KCNK1: variants seen among roughly 807,000 people sequenced by gnomAD.
KCNK1 encodes potassium two pore domain channel subfamily K member 1.
In KCNK1, 10 loss-of-function variants were observed where a neutral mutation model predicts 22.2. That is an observed-to-expected ratio of 0.45 (90% CI 0.28 to 0.76). The LOEUF is 0.76. Among genes scored for constraint, KCNK1 ranks in the 30% least tolerant of loss-of-function variants. The probability of loss-of-function intolerance (pLI) is 0.14; values close to 1 mark genes in which losing one functional copy is unlikely to be tolerated. For missense variants in KCNK1, 378 were observed against 421.0 expected (o/e 0.90, Z 0.89); for synonymous variants, 200 against 186.4 (o/e 1.07, Z -0.60).
At chr1:233,636,545 A>G (rs61824273) in intron 1 of KCNK1, 33,830 of 152,318 alleles carry the variant, frequency 0.22, 4,147 homozygotes, top group Middle Eastern at 0.29. Context: ...GCTAAACCCC[A>G]GTAGAGCCAA....
intron 1 of KCNK1, among the ~76,000 whole-genome samples, chr1:233,625,964 C>T (rs1657681922): frequency 6.6e-6 from 1 of 152,064 alleles, no homozygotes; most frequent in South Asian, 2.1e-4. Context: ...AAACATCTGG[C>T]TTTTATCTGA....
At chr1:233,643,375 C>T (rs1213834506) in intron 1 of KCNK1, among the ~76,000 whole-genome samples, 1 of 152,166 alleles carries the variant, frequency 6.6e-6, no homozygotes, top group African/African-American at 2.4e-5. Flanking sequence ...GGTCCACTCA[C>T]TACACTCTAA....
chr1:233,641,257 A>G (rs1657995236), intron 1 of KCNK1, among the ~76,000 whole-genome samples: 1 of 152,158 alleles, frequency 6.6e-6, no homozygotes, highest in Admixed American at 6.5e-5. Flanking sequence ...CAGCCAGAGC[A>G]CACCACCTTC....
intron 1 of KCNK1, among the ~76,000 whole-genome samples, chr1:233,660,889 A>T (rs1445239760): frequency 6.6e-6 from 1 of 152,186 alleles, no homozygotes; most frequent in Non-Finnish European, 1.5e-5. Context: ...CCTTTGTATC[A>T]TATAATATAT....
intron 1 of KCNK1, among the ~76,000 whole-genome samples, chr1:233,628,224 T>C (rs1657723449): frequency 6.6e-6 from 1 of 152,176 alleles, no homozygotes; most frequent in Non-Finnish European, 1.5e-5. Context: ...TCATCGGTGA[T>C]ATCAGGCTGA....
chr1:233,618,790 G>A (rs562432578), intron 1 of KCNK1, among the ~76,000 whole-genome samples: 31 of 152,096 alleles, frequency 2.0e-4, no homozygotes, highest in Admixed American at 6.5e-4. Flanking sequence ...AGGCTGAGGT[G>A]GGAGAATGGC....
intron 1 of KCNK1, among the ~76,000 whole-genome samples, chr1:233,615,787 T>A (rs1657480289): frequency 6.6e-6 from 1 of 151,890 alleles, no homozygotes; most frequent in Non-Finnish European, 1.5e-5. Context: ...CTATATCTTG[T>A]TGACTATCTT....
At chr1:233,668,983 C>T (rs764549957) in intron 2 of KCNK1, among the ~76,000 whole-genome samples, 6 of 152,190 alleles carry the variant, frequency 3.9e-5, no homozygotes, top group South Asian at 4.1e-4. Context: ...AAAGTGAATA[C>T]GCCTTTTTGT....
At chr1:233,647,200 CTTTGTT>C (rs1272994490) in intron 1 of KCNK1, among the ~76,000 whole-genome samples, 1 of 152,116 alleles carries the variant, frequency 6.6e-6, no homozygotes, top group African/African-American at 2.4e-5. Flanking sequence ...TTTCTTTTGA[CTTTGTT>C]CCAGATGAAA....
rs1658408403 is a variant in KCNK1 at position 233,662,256 on chromosome 1, TC to T, written c.356-4338del. ...TTCTTCTCCTTCTTCTTCTTCTTCT[TC>T]TTCTTCTTCTTCTTCTCCTCCTCCT... On this transcript the variant is annotated intron_variant, in intron 1 of 2. Coordinates refer to ENST00000366621, the MANE Select transcript of KCNK1 (RefSeq NM_002245.4). 9.6e-5 allele frequency among the ~76,000 whole-genome samples: 13 copies of T among 135,116 alleles called. No individual in the cohort carries two copies. In the South Asian group the frequency reaches 3.5e-3, roughly 37 times the overall value. 88.6% of individuals were successfully genotyped at this position (135,116 alleles called of 152,430 possible).
chr1:233,617,586 T>C (rs566572592), intron 1 of KCNK1, among the ~76,000 whole-genome samples: 4 of 152,150 alleles, frequency 2.6e-5, no homozygotes, highest in Non-Finnish European at 5.9e-5. Flanking sequence ...TTTAGGACAG[T>C]TGTGTAGACG....
chr1:233,650,571 G>A (rs1361624138), intron 1 of KCNK1, among the ~76,000 whole-genome samples: 1 of 152,066 alleles, frequency 6.6e-6, no homozygotes, highest in African/African-American at 2.4e-5. Context: ...TAACTTCATG[G>A]TACTTCCTAT....
rs111804649 is a variant in KCNK1, at chr1:233,631,287, G to T, written c.355+16761G>T. The T allele has an allele frequency of 5.5e-3, 2,913 of 530,670 alleles. 64 individuals are homozygous for T. Among genetic ancestry groups the T allele is most frequent in the African/African-American group, 0.022 (1,131 of 51,954 alleles). 32.9% of individuals were successfully genotyped at this position (530,670 alleles called of 1,614,324 possible). A position where few individuals can be genotyped will look rare whatever the true frequency, so the allele number is the denominator to read the frequency against. On this transcript the variant is annotated intron_variant, in intron 1 of 2. Transcript: ENST00000366621. ...TTTCTGACAACATCAAGATATGAAA[G>T]GTTGTCACTCACTGAACCCCTAATG...
chr1:233,622,343 AATTGT>A (rs1657603578), intron 1 of KCNK1, among the ~76,000 whole-genome samples: 1 of 152,180 alleles, frequency 6.6e-6, no homozygotes, highest in Non-Finnish European at 1.5e-5. Context: ...GACATCTTCC[AATTGT>A]ATTATTGACA....
chr1:233,651,195 C>T (rs1658196701), intron 1 of KCNK1, among the ~76,000 whole-genome samples: 1 of 152,134 alleles, frequency 6.6e-6, no homozygotes, highest in Non-Finnish European at 1.5e-5. Context: ...AAAGTGTGCC[C>T]AACTGTTCTT....
intron 1 of KCNK1, among the ~76,000 whole-genome samples, chr1:233,646,122 C>A (rs79922580): frequency 6.6e-6 from 1 of 151,974 alleles, no homozygotes; most frequent in East Asian, 1.9e-4. Flanking sequence ...GAGATGCCTA[C>A]GTCACATTCA....
Position 233,671,696 on chromosome 1 carries a change from A to G in KCNK1, c.*166A>G. ...AAAACAACAAAAAAAGACAAATGGA[A>G]CAAAGAAGCTGTGACCCCAGCAGGA... On this transcript the variant is annotated 3_prime_UTR_variant, in exon 3 of 3. Transcript: ENST00000366621. 1 of 773,198 alleles carries G rather than the reference A, an allele frequency of 1.3e-6. No homozygotes were observed. Among genetic ancestry groups the G allele is most frequent in the South Asian group, 1.9e-5 (1 of 52,472 alleles). 47.9% of individuals were successfully genotyped at this position (773,198 alleles called of 1,614,324 possible).
chr1:233,614,640 G>A, intron 1 of KCNK1, 114 bp downstream of exon 1: 1 of 721,036 alleles, frequency 1.4e-6, no homozygotes, highest in Non-Finnish European at 2.0e-6. Flanking sequence ...CCCACCTTTC[G>A]CCATCCCGGC....
intron 1 of KCNK1, among the ~76,000 whole-genome samples, chr1:233,635,510 C>CTA: frequency 6.6e-6 from 1 of 152,196 alleles, no homozygotes; most frequent in Non-Finnish European, 1.5e-5. Flanking sequence ...GGCATCACGA[C>CTA]TATATATATT....
Sources: allele counts gnomAD v4.1 joint callset (sites outside exome capture counted in the v4.1 genomes callset), GRCh38; gene constraint gnomAD v4.1.1; transcripts MANE v1.5; gene names NCBI Gene and HGNC (gene_info 2026-07-23, HGNC 2026-07-21).